The following SLC47A1 variants were observed in gnomAD, a reference collection of about 807,000 sequenced individuals.
SLC47A1 encodes solute carrier family 47 member 1.
In SLC47A1, 58 loss-of-function variants were observed where a neutral mutation model predicts 65.8. The observed-to-expected ratio is 0.88, with a 90% CI of 0.71 to 1.10. The LOEUF (loss-of-function observed/expected upper bound fraction) is 1.10, where lower values mean the gene tolerates loss of function less well. SLC47A1 is among the 50% of genes least tolerant of loss of function. The pLI is 0.00. For missense variants in SLC47A1, 706 were observed against 719.2 expected, an observed-to-expected ratio of 0.98 and a Z score of 0.21; for synonymous variants, 285 against 295.0, an observed-to-expected ratio of 0.97 and a Z score of 0.35.
rs1282474863 is a variant in SLC47A1, at chr17:19,571,529, TA to T, written c.1362del (p.Gly455AlafsTer6). 6.2e-7 allele frequency: 1 copy of T among 1,614,178 alleles called. No homozygotes were observed. The highest frequency in any genetic ancestry group is 1.7e-5 in the Admixed American group (1 of 60,028). ...ICTVFQAVCFLGFIIQLNWKK... is the reference protein window; with the variant it reads ...ICTVFQAVCFXGFIIQLNWKK... Reference sequence around the variant, plus strand: ...ACAGTCTTTCAAGCTGTGTGTTTTCTAGGCTTTATTATTCAGCTAAATTGGA... The same window carrying T: ...ACAGTCTTTCAAGCTGTGTGTTTTCTGGCTTTATTATTCAGCTAAATTGGA... On this transcript the variant is annotated frameshift_variant, in exon 15 of 17. Transcript: ENST00000270570. LOFTEE classifies it high-confidence loss of function.
In SLC47A1 at chr17:19,556,033, GTGT is replaced by G; in HGVS notation, c.893_895del (p.Val298_Tyr299delinsAsp). 6.2e-7 allele frequency: 1 copy of G among 1,614,144 alleles called. No homozygotes were observed. The highest frequency in any genetic ancestry group is 8.5e-7 in the Non-Finnish European group (1 of 1,180,022). On this transcript the variant is annotated inframe_deletion, in exon 10 of 17. Transcript: ENST00000270570. The stretch of plus-strand genomic sequence containing the variant: ...GGTGGAGCTGGGCGCTCAGTCCATC[GTGT>G]ATGAACTGGCCATCATTGTGTACAT...
At chr17:19,554,008 AC>A (rs1274206138) in intron 6 of SLC47A1, among the ~76,000 whole-genome samples, 4 of 152,176 alleles carry the variant, frequency 2.6e-5, no homozygotes, top group African/African-American at 9.7e-5. Context: ...GTCGGCCAAG[AC>A]CATTGTCCTG....
At chr17:19,542,082 G>A (rs1268373718) in intron 1 of SLC47A1, among the ~76,000 whole-genome samples, 2 of 152,030 alleles carry the variant, frequency 1.3e-5, no homozygotes, top group South Asian at 2.1e-4. Flanking sequence ...CCAAGATCGC[G>A]CCACTGCACT....
intron 14 of SLC47A1, chr17:19,570,915 C>G (rs1036158830): frequency 2.6e-5 from 4 of 152,324 alleles, no homozygotes; most frequent in African/African-American, 4.8e-5. Context: ...CCATTCCCAC[C>G]TGGCCTGCCT....
chr17:19,572,996 A>G (rs2084412236), intron 16 of SLC47A1, 135 bp downstream of exon 16: 1 of 719,264 alleles, frequency 1.4e-6, no homozygotes, highest in African/African-American at 1.8e-5. Context: ...AACACATGAT[A>G]AAGCCAAGTA....
At chr17:19,543,137 T>C (rs1916195601) in intron 2 of SLC47A1, among the ~76,000 whole-genome samples, 1 of 141,944 alleles carries the variant, frequency 7.0e-6, no homozygotes, top group Admixed American at 7.4e-5. Flanking sequence ...TCAGACGGAG[T>C]CTTGCTCCGT....
intron 6 of SLC47A1, 34 bp from the exon 7 acceptor site, chr17:19,555,178 A>G: frequency 6.3e-7 from 1 of 1,591,660 alleles, no homozygotes; most frequent in Non-Finnish European, 8.6e-7. Context: ...TATTCTGTGG[A>G]TCTCAAGGAT....
intron 10 of SLC47A1, 55 bp from the exon 11 acceptor site, chr17:19,560,133 G>T (rs139998506): frequency 7.6e-7 from 1 of 1,319,138 alleles, no homozygotes; most frequent in African/African-American, 1.5e-5. Context: ...TTCTCTGCAC[G>T]TGTTCTCGCT....
In SLC47A1 at chr17:19,566,787, C is replaced by G; in HGVS notation, c.1107-3C>G. 1 of 1,614,056 alleles carries G rather than the reference C, an allele frequency of 6.2e-7. No homozygotes were observed. The highest frequency in any genetic ancestry group is 8.5e-7 in the Non-Finnish European group (1 of 1,179,948). On this transcript the variant is annotated splice_region_variant and splice_polypyrimidine_tract_variant and intron_variant, in intron 12 of 16. Coordinates refer to ENST00000270570, the MANE Select transcript of SLC47A1 (RefSeq NM_018242.3). ...ATCACCACGTGCTTTATTTTCCTAA[C>G]AGAGACATCATTAATCTGGTGGCTC...
rs746395635 is a variant in SLC47A1, at chr17:19,560,196, A to C, written c.930A>C (p.Ala310=). The change falls in exon 11 of 17, where the codon GCA becomes GCC. Residue 310 remains alanine, a synonymous_variant. Transcript: ENST00000270570. ...ELAIIVYMVP[A]GFSVAASVRV... The stretch of plus-strand genomic sequence containing the variant: ...TTTCCTTTTTATTTTAGGTCCCTGC[A>C]GGCTTCAGTGTGGCTGCCAGTGTCC... The C allele has an allele frequency of 1.2e-6, 2 of 1,611,602 alleles. No homozygotes were observed. Among genetic ancestry groups the C allele is most frequent in the Admixed American group, 1.7e-5 (1 of 59,872 alleles).
In SLC47A1 at chr17:19,555,635, T is replaced by C. The variant is rs1916581315; in HGVS notation, c.684T>C (p.Ala228=). 6.2e-7 allele frequency: 1 copy of C among 1,614,092 alleles called. No individual in the cohort carries two copies. The highest frequency in any genetic ancestry group is 1.3e-5 in the African/African-American group (1 of 74,934). ...ACTTGATTTCCCAGTACACCCTGGCTCTACTCCTCTTTCTCTACATCCTCG... is the reference window on the plus strand; with the variant it reads ...ACTTGATTTCCCAGTACACCCTGGCCCTACTCCTCTTTCTCTACATCCTCG... ...LANLISQYTL[A]LLLFLYILGK... The change falls in exon 8 of 17, where the codon GCT becomes GCC. Residue 228 remains alanine (A), a synonymous_variant. Transcript: ENST00000270570.
At position 19,555,806 on chromosome 17, in the gene SLC47A1, C is replaced by G. The variant is rs760023373; in HGVS notation, c.750C>G (p.Leu250=). 5.6e-6 allele frequency: 9 copies of G among 1,613,590 alleles called. No individual in the cohort carries two copies. Among genetic ancestry groups the G allele is most frequent in the Non-Finnish European group, 7.6e-6 (9 of 1,180,024 alleles). The change falls in exon 9 of 17, where the codon CTC becomes CTG. Residue 250 remains leucine, a synonymous_variant. Transcript: ENST00000270570. ...GTGTCCCCCCCACAGGCTGGTCCCT[C>G]GAGTGCCTGCAGGACTGGGCCTCCT... is the stretch of plus-strand genomic sequence containing the variant. ...LHQATWGGWS[L]ECLQDWASFL...
At chr17:19,570,595 A>G (rs193169830) in intron 14 of SLC47A1, among the ~76,000 whole-genome samples, 19 of 152,344 alleles carry the variant, frequency 1.2e-4, no homozygotes, top group African/African-American at 4.1e-4. Context: ...TCTGGGGCCA[A>G]TCGTTACAGA....
chr17:19,569,771 T>G (rs2084385746), intron 14 of SLC47A1, among the ~76,000 whole-genome samples: 1 of 152,274 alleles, frequency 6.6e-6, no homozygotes, highest in Non-Finnish European at 1.5e-5. Flanking sequence ...CTAAAATTAT[T>G]GGAAATCTAA....
In SLC47A1 at chr17:19,577,897, CTTGAA is replaced by C; in HGVS notation, c.*347_*351del. On this transcript the variant is annotated 3_prime_UTR_variant, in exon 17 of 17. Coordinates refer to ENST00000270570, the MANE Select transcript of SLC47A1 (RefSeq NM_018242.3). Reference sequence around the variant, plus strand: ...ACTAACTGCTTAAGAATTCATACTGCTTGAATTATGTAAAATATATTTTACAGTAT... The same window carrying C: ...ACTAACTGCTTAAGAATTCATACTGCTTATGTAAAATATATTTTACAGTAT... 1 of 1,236,486 alleles carries C rather than the reference CTTGAA, an allele frequency of 8.1e-7. No homozygotes were observed. Among genetic ancestry groups the C allele is most frequent in the South Asian group, 1.5e-5 (1 of 66,772 alleles). 76.6% of individuals were successfully genotyped at this position (1,236,486 alleles called of 1,614,324 possible).
At chr17:19,549,397 C>A (rs942718560) in intron 4 of SLC47A1, among the ~76,000 whole-genome samples, 1 of 152,078 alleles carries the variant, frequency 6.6e-6, no homozygotes, top group African/African-American at 2.4e-5. Flanking sequence ...CGGGGTTTTA[C>A]TATGTTAGCC....
intron 10 of SLC47A1, among the ~76,000 whole-genome samples, chr17:19,558,197 C>T (rs1423379600): frequency 6.6e-6 from 1 of 152,160 alleles, no homozygotes; most frequent in Non-Finnish European, 1.5e-5. Context: ...TCTTTAGTGT[C>T]CTTTAATCTG....
chr17:19,567,939 T>C (rs148099656), intron 14 of SLC47A1: 13 of 152,268 alleles, frequency 8.5e-5, no homozygotes, highest in African/African-American at 2.6e-4. Flanking sequence ...CTTCCCACAT[T>C]TGGAAGAAAA....
chr17:19,542,734 T>TG (rs1005519736), intron 2 of SLC47A1, among the ~76,000 whole-genome samples: 5 of 151,990 alleles, frequency 3.3e-5, no homozygotes, highest in African/African-American at 1.2e-4. Context: ...TGGGGACATC[T>TG]GGGGGGGCAT....
Sources: allele counts gnomAD v4.1 joint callset (sites outside exome capture counted in the v4.1 genomes callset), GRCh38; gene constraint gnomAD v4.1.1; transcripts MANE v1.5; gene names NCBI Gene and HGNC (gene_info 2026-07-23, HGNC 2026-07-21).